Variants in TTC28 observed in about 807,000 individuals in gnomAD.
The protein encoded by TTC28 is tetratricopeptide repeat protein 28.
TTC28 carries 61 observed loss-of-function variants against 198.0 expected under a neutral mutation model. The ratio of observed to expected loss-of-function variants is 0.31; its 90% CI spans 0.25 to 0.38. TTC28 has a LOEUF of 0.38. Among genes scored for constraint, TTC28 ranks in the 10% least tolerant of loss-of-function variants. The probability of loss-of-function intolerance (pLI) is 1.00; values close to 1 mark genes in which losing one functional copy is unlikely to be tolerated. For synonymous variants in TTC28, 1,171 were observed against 1,297.8 expected, an observed-to-expected ratio of 0.90 and a Z score of 2.10; for missense variants, 2,678 against 3,164.0, an observed-to-expected ratio of 0.85 and a Z score of 3.69.
rs566731174 is a variant in TTC28, at chr22:27,995,285, C to T, written c.5244+850G>A. ...CAGCCTGCAAGGAGGCCCTGGGGTC[C>T]GTGGCAGATTTGGAAGGAGCTTGGC... is the stretch of plus-strand genomic sequence containing the variant. On this transcript the variant is annotated intron_variant, in intron 17 of 22. Transcript: ENST00000397906. 7.2e-5 allele frequency among the ~76,000 whole-genome samples: 11 copies of T among 152,268 alleles called. No individual in the cohort carries two copies. In the East Asian group the frequency reaches 1.9e-3, roughly 27 times the overall value.
chr22:28,626,979 G>A (rs1304602620), intron 2 of TTC28, among the ~76,000 whole-genome samples: 1 of 151,960 alleles, frequency 6.6e-6, no homozygotes, highest in Non-Finnish European at 1.5e-5. Context: ...AAATGAAAAA[G>A]ATAAAAGTTT....
intron 2 of TTC28, among the ~76,000 whole-genome samples, chr22:28,371,032 T>G (rs991676440): frequency 6.6e-6 from 1 of 152,164 alleles, no homozygotes; most frequent in Non-Finnish European, 1.5e-5. Context: ...CTGTTGCTCC[T>G]ACATACTAAG....
chr22:28,105,232 C>G (rs1942259317), intron 8 of TTC28, 47 bp downstream of exon 8: 3 of 1,523,752 alleles, frequency 2.0e-6, no homozygotes, highest in Non-Finnish European at 2.7e-6. Flanking sequence ...TGACTCTGAA[C>G]TTGATTTCAA....
intron 2 of TTC28, among the ~76,000 whole-genome samples, chr22:28,580,087 C>T (rs2050214249): frequency 6.6e-6 from 1 of 151,966 alleles, no homozygotes; most frequent in African/African-American, 2.4e-5. Flanking sequence ...GCAATAAGGA[C>T]ACATACAGGG....
chr22:28,426,293 T>G (rs2047350221), intron 2 of TTC28, among the ~76,000 whole-genome samples: 1 of 150,378 alleles, frequency 6.6e-6, no homozygotes, highest in Non-Finnish European at 1.5e-5. Context: ...CCCAACCTAG[T>G]GGGGGTGGAA....
chr22:28,575,939 C>A (rs1237417146), intron 2 of TTC28, among the ~76,000 whole-genome samples: 1 of 152,122 alleles, frequency 6.6e-6, no homozygotes, highest in Non-Finnish European at 1.5e-5. Flanking sequence ...ATCACATCAT[C>A]TGTAAAAACA....
At chr22:28,129,827 T>G (rs993703231) in intron 6 of TTC28, among the ~76,000 whole-genome samples, 18 of 152,108 alleles carry the variant, frequency 1.2e-4, no homozygotes, top group Non-Finnish European at 1.8e-4. Flanking sequence ...TTAATGTGAG[T>G]AAGAATCACA....
intron 2 of TTC28, among the ~76,000 whole-genome samples, chr22:28,564,729 T>G (rs2049943979): frequency 1.3e-5 from 2 of 151,382 alleles, no homozygotes; most frequent in Non-Finnish European, 2.9e-5. Context: ...CAGATCATTC[T>G]GATCCCTCTC....
chr22:28,212,467 T>A lies in TTC28; in HGVS notation c.934-48868A>T, dbSNP rs570432866. The stretch of plus-strand genomic sequence containing the variant: ...GATATCACCACCGATCCCACAGAAA[T>A]ACAAACTACCATCAGAGAATACCAG... On this transcript the variant is annotated intron_variant, in intron 5 of 22. Transcript: ENST00000397906. Among the ~76,000 whole-genome samples the A allele has an allele frequency of 3.7e-5, 5 of 134,952 alleles. No homozygotes were observed. The South Asian group carries it at 1.4e-3, about 38-fold the overall frequency. The allele number at this position is 134,952 out of a possible 152,430, so 88.5% of individuals were successfully genotyped here. A position where few individuals can be genotyped will look rare whatever the true frequency, so the allele number is the denominator to read the frequency against.
chr22:28,449,917 A>G (rs2047755419), intron 2 of TTC28, among the ~76,000 whole-genome samples: 1 of 152,158 alleles, frequency 6.6e-6, no homozygotes, highest in Non-Finnish European at 1.5e-5. Flanking sequence ...TTTAAAGGTG[A>G]TCCCCAAATG....
intron 12 of TTC28, among the ~76,000 whole-genome samples, chr22:28,058,636 T>G (rs556952861): frequency 1.4e-4 from 22 of 152,282 alleles, no homozygotes; most frequent in African/African-American, 5.3e-4. Context: ...ACAAGTTTAA[T>G]ACAAGTGGAA....
At chr22:28,029,154 G>A (rs1333845754) in intron 13 of TTC28, 2 of 470,106 alleles carry the variant, frequency 4.3e-6, no homozygotes, top group South Asian at 3.1e-5. Context: ...CACCTGTGAA[G>A]GTGGCTGGGA....
In TTC28 at chr22:27,998,863, G is replaced by A. The variant is rs142925352; in HGVS notation, c.4796C>T (p.Pro1599Leu). ...AGTAAGCAGCAGCTCCTGCAGGGGC[G>A]GGCAGTCCGAGATGCTCTCCCCATC... ...ASDGESISDC[P>L]PLQELLLTAA... Residue 1599 changes from proline (P) to leucine (L), a missense_variant, in exon 16 of 23, where the codon CCG (proline) becomes CTG (leucine). Around this residue, in one of 8 missense-constraint regions of TTC28, gnomAD observed 727 missense variants for 861.9 expected, o/e 0.84. Coordinates refer to ENST00000397906, the MANE Select transcript of TTC28 (RefSeq NM_001145418.2). 62 of 1,550,068 alleles carry A rather than the reference G, an allele frequency of 4.0e-5. No homozygotes were observed. The African/African-American group carries it at 6.7e-4, about 17-fold the overall frequency.
In TTC28 at chr22:28,624,219, A is replaced by C. The variant is rs905455247; in HGVS notation, c.381+5333T>G. ...CGGTGAAACCCTGTCTCTACTAAAA[A>C]TACAAAAAATTAGCCAGGCGTGGTG... On this transcript the variant is annotated intron_variant, in intron 2 of 22. Coordinates refer to ENST00000397906, the MANE Select transcript of TTC28 (RefSeq NM_001145418.2). Among the ~76,000 whole-genome samples the C allele has an allele frequency of 5.3e-5, 8 of 152,146 alleles. No homozygotes were observed. In the East Asian group the frequency reaches 1.5e-3, roughly 29 times the overall value.
At chr22:28,527,843 G>A (rs1320843879) in intron 2 of TTC28, among the ~76,000 whole-genome samples, 1 of 152,004 alleles carries the variant, frequency 6.6e-6, no homozygotes, top group East Asian at 1.9e-4. Context: ...ATGTTGCCCA[G>A]GCTGGTCTTG....
At chr22:28,482,087 GTCAA>G (rs1290603005) in intron 2 of TTC28, among the ~76,000 whole-genome samples, 2 of 151,634 alleles carry the variant, frequency 1.3e-5, no homozygotes, top group Non-Finnish European at 2.9e-5. Flanking sequence ...TGTGTTCCGT[GTCAA>G]TCAAATATTT....
chr22:28,177,403 G>A (rs916843645), intron 5 of TTC28, among the ~76,000 whole-genome samples: 13 of 152,132 alleles, frequency 8.5e-5, no homozygotes, highest in Admixed American at 8.5e-4. Context: ...ATTCATAGTC[G>A]GAAGGAATGA....
intron 6 of TTC28, among the ~76,000 whole-genome samples, chr22:28,118,297 G>A (rs1942690679): frequency 6.6e-6 from 1 of 152,040 alleles, no homozygotes; most frequent in Non-Finnish European, 1.5e-5. Flanking sequence ...TACTCAGGAG[G>A]CTGAGGTGGG....
At chr22:28,301,805 T>C (rs2045033369) in intron 3 of TTC28, among the ~76,000 whole-genome samples, 1 of 152,086 alleles carries the variant, frequency 6.6e-6, no homozygotes, top group Non-Finnish European at 1.5e-5. Flanking sequence ...CCCAGCACTT[T>C]GGGAGCCAAG....
Sources: allele counts gnomAD v4.1 joint callset (sites outside exome capture counted in the v4.1 genomes callset), GRCh38; gene constraint gnomAD v4.1.1; regional missense constraint gnomAD v4.1.1; transcripts MANE v1.5; gene names NCBI Gene and HGNC (gene_info 2026-07-23, HGNC 2026-07-21).